CMTM4: variants seen among roughly 807,000 people sequenced by gnomAD.
CMTM4 encodes the protein CKLF like MARVEL transmembrane domain containing 4.
CMTM4 carries 8 observed loss-of-function variants against 19.0 expected under a neutral mutation model. That is an observed-to-expected ratio of 0.42 (90% CI 0.25 to 0.76). The LOEUF (loss-of-function observed/expected upper bound fraction) is 0.76, where lower values mean the gene tolerates loss of function less well. Among genes scored for constraint, CMTM4 ranks in the 30% least tolerant of loss-of-function variants. The pLI is 0.27. For synonymous variants in CMTM4, 106 were observed against 121.1 expected (o/e 0.88, Z 0.82); for missense variants, 228 against 290.2 (o/e 0.79, Z 1.56).
In CMTM4 at chr16:66,618,769, C is replaced by T. The variant is rs1014549933; in HGVS notation, c.*3289G>A. On this transcript the variant is annotated 3_prime_UTR_variant, in exon 4 of 4. Coordinates refer to ENST00000394106, the MANE Select transcript of CMTM4 (RefSeq NM_181521.3). ...AGTCAGAATGTTTTCAACTGAGTCA[C>T]GAAGCTGTCCCAGAAGCACCCGACA... The T allele has an allele frequency of 6.9e-5, 68 of 985,500 alleles. No homozygotes were observed. The Middle Eastern group carries it at 2.1e-3, about 30-fold the overall frequency. The allele number at this position is 985,500 out of a possible 1,614,324, so 61.0% of individuals were successfully genotyped here. A position where few individuals can be genotyped will look rare whatever the true frequency, so the allele number is the denominator to read the frequency against.
At position 66,619,312 on chromosome 16, in the gene CMTM4, G is replaced by A. The variant is rs1349358728; in HGVS notation, c.*2746C>T. ...TTTGCATCCATCTAAAACCACCAGA[G>A]GTTCCACCAAATGCTTGAGGGTTTC... On this transcript the variant is annotated 3_prime_UTR_variant, in exon 4 of 4. Transcript: ENST00000394106. 2.0e-6 allele frequency: 2 copies of A among 985,264 alleles called. No homozygotes were observed. The highest frequency in any genetic ancestry group is 2.4e-6 in the Non-Finnish European group (2 of 829,936). 61.0% of individuals were successfully genotyped at this position (985,264 alleles called of 1,614,324 possible).
At chr16:66,672,100 T>A (rs746237778) in intron 1 of CMTM4, among the ~76,000 whole-genome samples, 7 of 152,012 alleles carry the variant, frequency 4.6e-5, no homozygotes, top group Non-Finnish European at 7.4e-5. Flanking sequence ...CAAAAGTAAT[T>A]GTAGTTTTTG....
chr16:66,695,780 G>A (rs2017221466), intron 1 of CMTM4, among the ~76,000 whole-genome samples: 1 of 152,190 alleles, frequency 6.6e-6, no homozygotes, highest in Admixed American at 6.5e-5. Flanking sequence ...ACAAACCTCT[G>A]CAGTGTAGAG....
chr16:66,623,614 T>G, intron 2 of CMTM4, 112 bp from the exon 3 acceptor site: 2 of 645,616 alleles, frequency 3.1e-6, no homozygotes, highest in Non-Finnish European at 5.2e-6. Context: ...CCCTGGTGGC[T>G]CCATATTTCA....
At chr16:66,609,079 G>A in the CMTM4 span, among the ~76,000 whole-genome samples, 3 of 152,204 alleles carry the variant, frequency 2.0e-5, no homozygotes, top group Admixed American at 6.5e-5. This position sits in a 1 kb window ranked among gnomAD's most constrained non-coding sequence, Gnocchi z 4.4. Context: ...TGACAAAGCC[G>A]AGGCCCAGAG....
chr16:66,623,349 G>T, intron 3 of CMTM4, 55 bp downstream of exon 3: 1 of 1,303,006 alleles, frequency 7.7e-7, no homozygotes, highest in Non-Finnish European at 1.1e-6. Context: ...GGACAGGCGA[G>T]CAGGTCACAG....
rs369906875 is a variant in CMTM4, at chr16:66,621,125, A to G, written c.*933T>C. On this transcript the variant is annotated 3_prime_UTR_variant, in exon 4 of 4. Coordinates refer to ENST00000394106, the MANE Select transcript of CMTM4 (RefSeq NM_181521.3). ...CTTTGCAGGCATTTAGAAAATTAGC[A>G]CACATCCCTAAAATAGAGGGGTGTG... is the stretch of plus-strand genomic sequence containing the variant. 16 of 985,854 alleles carry G rather than the reference A, an allele frequency of 1.6e-5. No homozygotes were observed. In the East Asian group the frequency reaches 1.1e-3, roughly 70 times the overall value. 61.1% of individuals were successfully genotyped at this position (985,854 alleles called of 1,614,324 possible).
Position 66,623,430 on chromosome 16 carries a change from T to C in CMTM4, c.436A>G (p.Arg146Gly), listed in dbSNP as rs1239902794. The part of the protein sequence containing the change: ...ASIVLAALNH[R>G]AGAEIAAVIF... ...ACGGCAGCAATTTCTGCTCCGGCTC[T>C]ATGGTTTAAAGCAGCCAGTACGATT... Residue 146 changes from arginine (R) to glycine (G), a missense_variant, in exon 3 of 4, where the codon AGA becomes GGA. By Grantham distance (125) the Arg-to-Gly change is moderately radical. Coordinates refer to ENST00000394106, the MANE Select transcript of CMTM4 (RefSeq NM_181521.3). The C allele has an allele frequency of 6.2e-7, 1 of 1,613,878 alleles. No homozygotes were observed. The highest frequency in any genetic ancestry group is 8.5e-7 in the Non-Finnish European group (1 of 1,179,912).
intron 1 of CMTM4, among the ~76,000 whole-genome samples, chr16:66,684,204 CCTCT>C (rs2016993143): frequency 6.6e-6 from 1 of 151,866 alleles, no homozygotes; most frequent in African/African-American, 2.4e-5. Context: ...ACAGAATCTC[CCTCT>C]GTCGCCCAGG....
intron 1 of CMTM4, among the ~76,000 whole-genome samples, chr16:66,640,967 C>A (rs1487789483): frequency 6.6e-6 from 1 of 152,192 alleles, no homozygotes; most frequent in African/African-American, 2.4e-5. Flanking sequence ...AGCTTGACTG[C>A]AACCTCCTGA....
At chr16:66,647,935 C>T (rs1231565336) in intron 1 of CMTM4, among the ~76,000 whole-genome samples, 3 of 152,212 alleles carry the variant, frequency 2.0e-5, no homozygotes. Flanking sequence ...TGACCCACTG[C>T]TTTAAATGCA....
At chr16:66,663,185 CCATAA>C (rs2016528489) in intron 1 of CMTM4, among the ~76,000 whole-genome samples, 1 of 152,056 alleles carries the variant, frequency 6.6e-6, no homozygotes, top group African/African-American at 2.4e-5. Context: ...GACCAGAGTC[CCATAA>C]CATAATAAAC....
chr16:66,600,137 T>G, the CMTM4 span, among the ~76,000 whole-genome samples: 1,808 of 105,150 alleles, frequency 0.017, 23 homozygotes, highest in South Asian at 0.022. Flanking sequence ...TGTGTGTGTG[T>G]TTTTTTTTGT....
rs550406348 is a variant in CMTM4 at position 66,662,607 on chromosome 16, G to T, written c.187-26026C>A. On this transcript the variant is annotated intron_variant, in intron 1 of 3. Transcript: ENST00000394106. Reference sequence around the variant, plus strand: ...GAGGCTACAGATGTCCACAACAGAGGAGTCGACTCAGAGGAACCCGAGTTC... The same window carrying T: ...GAGGCTACAGATGTCCACAACAGAGTAGTCGACTCAGAGGAACCCGAGTTC... Among the ~76,000 whole-genome samples the T allele has an allele frequency of 5.9e-5, 9 of 152,192 alleles. No individual in the cohort carries two copies. The East Asian group carries it at 1.7e-3, about 29-fold the overall frequency.
chr16:66,620,470 A>G lies in CMTM4; in HGVS notation c.*1588T>C. The G allele has an allele frequency of 1.0e-6, 1 of 982,778 alleles. No individual in the cohort carries two copies. Among genetic ancestry groups the G allele is most frequent in the Non-Finnish European group, 1.2e-6 (1 of 829,232 alleles). The allele number at this position is 982,778 out of a possible 1,614,324, so 60.9% of individuals were successfully genotyped here. A position where few individuals can be genotyped will look rare whatever the true frequency, so the allele number is the denominator to read the frequency against. ...GTGCAGGAAGCTAACCCCAACTCCGACCCCCAGCCCAGCAGTGTTGCCTGA... is the reference window on the plus strand; with the variant it reads ...GTGCAGGAAGCTAACCCCAACTCCGGCCCCCAGCCCAGCAGTGTTGCCTGA... On this transcript the variant is annotated 3_prime_UTR_variant, in exon 4 of 4. Coordinates refer to ENST00000394106, the MANE Select transcript of CMTM4 (RefSeq NM_181521.3).
At chr16:66,663,818 G>C (rs2016543844) in intron 1 of CMTM4, among the ~76,000 whole-genome samples, 2 of 152,082 alleles carry the variant, frequency 1.3e-5, no homozygotes, top group African/African-American at 4.8e-5. Context: ...TGGGATCACA[G>C]GTGTGAGCCA....
At chr16:66,650,496 G>C (rs1302598015) in intron 1 of CMTM4, among the ~76,000 whole-genome samples, 1 of 152,136 alleles carries the variant, frequency 6.6e-6, no homozygotes, top group Non-Finnish European at 1.5e-5. Flanking sequence ...GCTCCAAATG[G>C]ACACAAGTGT....
At chr16:66,626,576 A>G (rs894402167) in intron 2 of CMTM4, among the ~76,000 whole-genome samples, 35 of 152,312 alleles carry the variant, frequency 2.3e-4, no homozygotes, top group African/African-American at 7.9e-4. Flanking sequence ...ACTGCACTCC[A>G]GCCTGGGCGA....
intron 1 of CMTM4, among the ~76,000 whole-genome samples, chr16:66,645,000 T>C (rs190106133): frequency 9.3e-4 from 142 of 152,314 alleles, no homozygotes; most frequent in African/African-American, 3.3e-3. Flanking sequence ...CTTGTCAAAA[T>C]TGGCCGGGCA....
Sources: allele counts gnomAD v4.1 joint callset (sites outside exome capture counted in the v4.1 genomes callset), GRCh38; gene constraint gnomAD v4.1.1; non-coding constraint Gnocchi (gnomAD v3.1); transcripts MANE v1.5; gene names NCBI Gene and HGNC (gene_info 2026-07-23, HGNC 2026-07-21).